The following EMILIN2 variants were observed in gnomAD, a reference collection of about 807,000 sequenced individuals.
EMILIN2 encodes the protein elastin microfibril interfacer 2.
EMILIN2 carries 71 observed loss-of-function variants against 87.1 expected under a neutral mutation model. That is an observed-to-expected ratio of 0.82 (90% CI 0.67 to 0.99). The LOEUF (loss-of-function observed/expected upper bound fraction) is 0.99, where lower values mean the gene tolerates loss of function less well. EMILIN2 is among the 50% of genes least tolerant of loss of function. EMILIN2 has a pLI of 0.00. For missense variants in EMILIN2, 1,407 were observed against 1,371.8 expected (o/e 1.03, Z -0.40); for synonymous variants, 581 against 563.4 (o/e 1.03, Z -0.44).
In EMILIN2 at chr18:2,885,126, G is replaced by T. The variant is rs947167299; in HGVS notation, c.420G>T (p.Leu140Phe). ...CGCCGGCTCGGCCTCGAAACAGCTT[G>T]AAGAAAGCCACAGGTAACTTCTTAT... is the stretch of plus-strand genomic sequence containing the variant. Reference protein sequence around the residue: ...RPTPARPRNSLKKATDNEPSQ... With the variant: ...RPTPARPRNSFKKATDNEPSQ... The change falls in exon 3 of 8, where the codon TTG (leucine) becomes TTT (phenylalanine). Residue 140 changes from leucine to phenylalanine, a missense_variant. Transcript: ENST00000254528. 3 of 1,604,892 alleles carry T rather than the reference G, an allele frequency of 1.9e-6. No individual in the cohort carries two copies. The East Asian group carries it at 6.7e-5, about 36-fold the overall frequency.
Position 2,915,107 on chromosome 18 carries a change from AG to A in EMILIN2, c.*1706del, listed in dbSNP as rs1313181195. 6.6e-6 allele frequency: 1 copy of A among 152,294 alleles called. No homozygotes were observed. Among genetic ancestry groups the A allele is most frequent in the Non-Finnish European group, 1.5e-5 (1 of 68,090 alleles). The allele number at this position is 152,294 out of a possible 1,614,324, so 9.4% of individuals were successfully genotyped here. A position where few individuals can be genotyped will look rare whatever the true frequency, so the allele number is the denominator to read the frequency against. ...GGACGTGCTCAAGAGCTGCAGGGGC[AG>A]GGCCCAGGCAAAAGGTGGGTGATGA... is the stretch of plus-strand genomic sequence containing the variant. On this transcript the variant is annotated 3_prime_UTR_variant, in exon 8 of 8. Transcript: ENST00000254528.
chr18:2,870,999 G>T (rs1469357372), intron 2 of EMILIN2, among the ~76,000 whole-genome samples: 1 of 152,134 alleles, frequency 6.6e-6, no homozygotes, highest in East Asian at 1.9e-4. Context: ...AAGGACACTA[G>T]ACCTATTGGA....
chr18:2,901,373 G>A (rs1424676196), intron 4 of EMILIN2, among the ~76,000 whole-genome samples: 1 of 152,250 alleles, frequency 6.6e-6, no homozygotes, highest in East Asian at 1.9e-4. Flanking sequence ...TGTTAGTTCA[G>A]GGGGAAGACA....
intron 2 of EMILIN2, among the ~76,000 whole-genome samples, chr18:2,881,810 C>T (rs946189790): frequency 2.6e-5 from 4 of 152,254 alleles, no homozygotes; most frequent in Admixed American, 1.3e-4. Flanking sequence ...AACAATCCAG[C>T]GCAATGATGC....
Position 2,915,507 on chromosome 18 carries a change from A to G in EMILIN2, c.*2103A>G, listed in dbSNP as rs1344154529. ...GCATACCAAACCCTGAGACAGAATCAGGCACAAGTTCACAACTTTTTTTTT... is the reference window on the plus strand; with the variant it reads ...GCATACCAAACCCTGAGACAGAATCGGGCACAAGTTCACAACTTTTTTTTT... On this transcript the variant is annotated 3_prime_UTR_variant, in exon 8 of 8. Transcript: ENST00000254528. The G allele has an allele frequency of 2.0e-5, 3 of 149,194 alleles. No individual in the cohort carries two copies. The East Asian group carries it at 5.9e-4, about 29-fold the overall frequency. The allele number at this position is 149,194 out of a possible 1,614,324, so 9.2% of individuals were successfully genotyped here.
At chr18:2,869,531 CT>C (rs1158205852) in intron 2 of EMILIN2, among the ~76,000 whole-genome samples, 1 of 152,078 alleles carries the variant, frequency 6.6e-6, no homozygotes, top group Non-Finnish European at 1.5e-5. Context: ...GTTGTACTCT[CT>C]TTTGACTGGC....
intron 2 of EMILIN2, among the ~76,000 whole-genome samples, chr18:2,856,035 C>A (rs1260824614): frequency 6.6e-6 from 1 of 152,084 alleles, no homozygotes; most frequent in Non-Finnish European, 1.5e-5. Flanking sequence ...TCGTTAAATT[C>A]AGTGAATTAA....
rs201007246 is a variant in EMILIN2, at chr18:2,913,256, C to G, written c.3014C>G (p.Pro1005Arg). The G allele has an allele frequency of 1.2e-6, 2 of 1,613,868 alleles. No individual in the cohort carries two copies. Among genetic ancestry groups the G allele is most frequent in the Non-Finnish European group, 1.7e-6 (2 of 1,179,850 alleles). ...PPGALHTCGGPGAFHLIVHLK... is the reference protein window; with the variant it reads ...PPGALHTCGGRGAFHLIVHLK... ...GGAGCTTTGCATACCTGCGGGGGCC[C>G]GGGGGCATTCCACCTCATCGTGCAC... Residue 1005 changes from proline (P) to arginine (R), a missense_variant, in exon 8 of 8, where the codon CCG (proline) becomes CGG (arginine). Pro to Arg is a moderately radical substitution (Grantham distance 103, BLOSUM62 -2). Transcript: ENST00000254528.
Position 2,892,100 on chromosome 18 carries a change from C to G in EMILIN2, c.1973C>G (p.Ser658Cys). The change falls in exon 4 of 8, where the codon TCC (serine) becomes TGC (cysteine). Residue 658 changes from serine (S) to cysteine (C), a missense_variant. Coordinates refer to ENST00000254528, the MANE Select transcript of EMILIN2 (RefSeq NM_032048.3). The stretch of plus-strand genomic sequence containing the variant: ...GAAAGGACAGTGGACACCCTGCCGT[C>G]CCCCCAGCACCCCGTGGCTCATTGC... ...EQERTVDTLP[S>C]PQHPVAHCCS... 1.2e-6 allele frequency: 2 copies of G among 1,612,972 alleles called. No homozygotes were observed. Among genetic ancestry groups the G allele is most frequent in the Non-Finnish European group, 1.7e-6 (2 of 1,179,204 alleles).
At chr18:2,866,278 T>C (rs1568458600) in intron 2 of EMILIN2, among the ~76,000 whole-genome samples, 1 of 152,234 alleles carries the variant, frequency 6.6e-6, no homozygotes, top group Non-Finnish European at 1.5e-5. Flanking sequence ...ACCTGTCTTC[T>C]GCGTCGCTCA....
chr18:2,850,562 C>A (rs1018299715), intron 2 of EMILIN2, among the ~76,000 whole-genome samples: 1 of 151,936 alleles, frequency 6.6e-6, no homozygotes, highest in African/African-American at 2.4e-5. Flanking sequence ...GAAGTCACTG[C>A]ATCCTGCTAG....
At chr18:2,893,612 T>C (rs549306775) in intron 4 of EMILIN2, among the ~76,000 whole-genome samples, 1 of 152,322 alleles carries the variant, frequency 6.6e-6, no homozygotes, top group East Asian at 1.9e-4. Context: ...GCTTCTCTTG[T>C]ACCTGGGTTT....
chr18:2,895,023 ATTGT>A (rs1267376939), intron 4 of EMILIN2, among the ~76,000 whole-genome samples: 1 of 152,090 alleles, frequency 6.6e-6, no homozygotes, highest in African/African-American at 2.4e-5. Flanking sequence ...GATGAATGAG[ATTGT>A]TTGTGGCATA....
Position 2,906,956 on chromosome 18 carries a change from A to T in EMILIN2, c.2533A>T (p.Ile845Phe). Residue 845 changes from isoleucine (I) to phenylalanine (F), a missense_variant, in exon 5 of 8, where the codon ATC (isoleucine) becomes TTC (phenylalanine). Physicochemically the swap from Ile to Phe is conservative, Grantham distance 21. Transcript: ENST00000254528. ...CCAGCCGCCAGGCTCCACCGGGGTC[A>T]TCGCGGAGACGGGCCAGGCCGGGCC... is the stretch of plus-strand genomic sequence containing the variant. ...PPQPPGSTGV[I>F]AETGQAGPPA... is the part of the protein sequence containing the mutation. The T allele has an allele frequency of 7.1e-7, 1 of 1,405,334 alleles. No individual in the cohort carries two copies. The highest frequency in any genetic ancestry group is 9.3e-7 in the Non-Finnish European group (1 of 1,078,010). 87.1% of individuals were successfully genotyped at this position (1,405,334 alleles called of 1,614,324 possible).
In EMILIN2 at chr18:2,906,776, C is replaced by A; in HGVS notation, c.2360-7C>A. 1 of 1,259,382 alleles carries A rather than the reference C, an allele frequency of 7.9e-7. No individual in the cohort carries two copies. The allele number at this position is 1,259,382 out of a possible 1,614,324, so 78.0% of individuals were successfully genotyped here. On this transcript the variant is annotated splice_polypyrimidine_tract_variant and splice_region_variant and intron_variant, in intron 4 of 7. Transcript: ENST00000254528. ...CCGTGTGTTTCTTTCTCCCCGACGC[C>A]CGGCAGAGGCGCCCTCGCCCCCGCC...
intron 2 of EMILIN2, among the ~76,000 whole-genome samples, chr18:2,851,187 C>T (rs2076599692): frequency 6.6e-6 from 1 of 151,476 alleles, no homozygotes; most frequent in African/African-American, 2.4e-5. Flanking sequence ...CCTGTAATCC[C>T]AACATTTTGG....
At chr18:2,888,557 T>C (rs1568472426) in intron 3 of EMILIN2, among the ~76,000 whole-genome samples, 1 of 151,508 alleles carries the variant, frequency 6.6e-6, no homozygotes, top group Non-Finnish European at 1.5e-5. Flanking sequence ...CTACCAAAAA[T>C]ACAAAAAATT....
chr18:2,912,056 T>TC (rs1568488458), intron 7 of EMILIN2, among the ~76,000 whole-genome samples: 2 of 95,220 alleles, frequency 2.1e-5, no homozygotes, highest in African/African-American at 3.7e-5. Context: ...TTTTTTTTTT[T>TC]CTGAGACAGT....
rs561158327 is a variant in EMILIN2 at position 2,876,593 on chromosome 18, C to T, written c.258-8371C>T. 7.6e-3 allele frequency among the ~76,000 whole-genome samples: 1,039 copies of T among 136,634 alleles called. 11 individuals are homozygous for T. Among genetic ancestry groups the T allele is most frequent in the African/African-American group, 0.027 (997 of 37,252 alleles). The allele number at this position is 136,634 out of a possible 152,430, so 89.6% of individuals were successfully genotyped here. Reference sequence around the variant, plus strand: ...CATCCTGGCTAACACGGTGAAACCCCGTCTCTACTAAAAATACAAAAAATT... The same window carrying T: ...CATCCTGGCTAACACGGTGAAACCCTGTCTCTACTAAAAATACAAAAAATT... On this transcript the variant is annotated intron_variant, in intron 2 of 7. Coordinates refer to ENST00000254528, the MANE Select transcript of EMILIN2 (RefSeq NM_032048.3).
Sources: gnomAD v4.1 joint callset for allele counts (sites outside exome capture counted in the v4.1 genomes callset) on GRCh38, gnomAD v4.1.1 for gene constraint, MANE v1.5 for transcripts, NCBI Gene and HGNC (gene_info 2026-07-23, HGNC 2026-07-21) for gene names.